Variants in ADCK1 observed in about 807,000 individuals in gnomAD.
The protein encoded by ADCK1 is aarF domain containing kinase 1.
In ADCK1, 41 loss-of-function variants were observed where a neutral mutation model predicts 52.3. The observed-to-expected ratio is 0.78, with a 90% confidence interval of 0.61 to 1.02. The LOEUF (loss-of-function observed/expected upper bound fraction) is 1.02, where lower values mean the gene tolerates loss of function less well. Ranked by LOEUF, ADCK1 falls within the 50% of genes least tolerant of loss-of-function variation. The pLI, the probability that ADCK1 is intolerant of heterozygous loss-of-function variation, is 0.00. For synonymous variants in ADCK1, 250 were observed against 274.6 expected, an observed-to-expected ratio of 0.91 and a Z score of 0.89; for missense variants, 658 against 679.5, an observed-to-expected ratio of 0.97 and a Z score of 0.35.
intron 7 of ADCK1, among the ~76,000 whole-genome samples, chr14:77,918,927 T>C (rs2083987031): frequency 6.6e-6 from 1 of 152,244 alleles, no homozygotes; most frequent in South Asian, 2.1e-4. Context: ...TTATGCCTCA[T>C]AGAACAGTAA....
At chr14:77,827,514 G>T (rs954448955) in intron 3 of ADCK1, among the ~76,000 whole-genome samples, 1 of 151,770 alleles carries the variant, frequency 6.6e-6, no homozygotes, top group Non-Finnish European at 1.5e-5. Context: ...AGCCGAATGA[G>T]TCCTTATATA....
chr14:77,907,302 G>A (rs77922411), intron 6 of ADCK1, among the ~76,000 whole-genome samples: 8,205 of 152,264 alleles, frequency 0.054, 311 homozygotes, highest in Middle Eastern at 0.085. Flanking sequence ...CCCAGGAAAC[G>A]TGTTTTCCTA....
rs188752034 is a variant in ADCK1 at position 77,844,728 on chromosome 14, T to G, written c.220-14348T>G. On this transcript the variant is annotated intron_variant, in intron 3 of 10. Coordinates refer to ENST00000238561, the MANE Select transcript of ADCK1 (RefSeq NM_020421.4). ...CTGAGGCATAGAGACAATAATCTACTTGGAGTTGGGGCTAGAATTAAAATT... is the reference window on the plus strand; with the variant it reads ...CTGAGGCATAGAGACAATAATCTACGTGGAGTTGGGGCTAGAATTAAAATT... Among the ~76,000 whole-genome samples, 1,123 of 152,334 alleles carry G rather than the reference T, an allele frequency of 7.4e-3. 5 individuals are homozygous for G. Among genetic ancestry groups the G allele is most frequent in the Non-Finnish European group, 0.012 (832 of 68,026 alleles).
intron 4 of ADCK1, among the ~76,000 whole-genome samples, chr14:77,877,086 G>A (rs920369840): frequency 3.9e-5 from 6 of 152,168 alleles, no homozygotes; most frequent in African/African-American, 9.7e-5. Context: ...GTGGTGATGC[G>A]CACCTGTAGT....
rs1237801671 is a variant in ADCK1, at chr14:77,934,424, C to T, written c.*1033C>T. The T allele has an allele frequency of 6.6e-6, 1 of 152,058 alleles. No homozygotes were observed. The highest frequency in any genetic ancestry group is 1.5e-5 in the Non-Finnish European group (1 of 68,058). 9.4% of individuals were successfully genotyped at this position (152,058 alleles called of 1,614,324 possible). On this transcript the variant is annotated 3_prime_UTR_variant, in exon 11 of 11. Coordinates refer to ENST00000238561, the MANE Select transcript of ADCK1 (RefSeq NM_020421.4). ...TTGTTCTACTGTTTCCTGACTTATCCCTTTGGTTCTCATTCAGTGGCCCCA... is the reference window on the plus strand; with the variant it reads ...TTGTTCTACTGTTTCCTGACTTATCTCTTTGGTTCTCATTCAGTGGCCCCA...
intron 4 of ADCK1, among the ~76,000 whole-genome samples, chr14:77,875,498 A>G (rs1176126891): frequency 6.6e-6 from 1 of 151,984 alleles, no homozygotes; most frequent in Non-Finnish European, 1.5e-5. Context: ...TTAAAAAAAA[A>G]AGAAAACTCC....
intron 1 of ADCK1, among the ~76,000 whole-genome samples, chr14:77,814,344 G>C (rs1163904257): frequency 6.6e-6 from 1 of 151,620 alleles, no homozygotes. Context: ...TTCCCAAAGT[G>C]CTGGGATTAC....
rs548404091 is a variant in ADCK1 at position 77,899,088 on chromosome 14, G to A, written c.583-12G>A. ...TGTGGGCCAAATGACTGGGGTGCTT[G>A]TTGGATTTCAGGTGCTCGTTCTGGC... On this transcript the variant is annotated splice_polypyrimidine_tract_variant and intron_variant, in intron 5 of 10. Coordinates refer to ENST00000238561, the MANE Select transcript of ADCK1 (RefSeq NM_020421.4). 13 of 1,613,188 alleles carry A rather than the reference G, an allele frequency of 8.1e-6. No homozygotes were observed. In the South Asian group the frequency reaches 1.3e-4, roughly 16 times the overall value.
chr14:77,832,588 G>T (rs932505783), intron 3 of ADCK1, among the ~76,000 whole-genome samples: 1 of 152,202 alleles, frequency 6.6e-6, no homozygotes, highest in Non-Finnish European at 1.5e-5. Context: ...GGAGGAGGAA[G>T]AAGGGCAATA....
intron 3 of ADCK1, among the ~76,000 whole-genome samples, chr14:77,825,592 A>G (rs2081678706): frequency 3.3e-5 from 5 of 151,780 alleles, no homozygotes; most frequent in Admixed American, 2.0e-4. Context: ...AGGATGTGAC[A>G]GGTCCTGAAT....
chr14:77,933,247 C>A lies in ADCK1; in HGVS notation c.1428C>A (p.Phe476Leu). 1 of 1,614,060 alleles carries A rather than the reference C, an allele frequency of 6.2e-7. No individual in the cohort carries two copies. Among genetic ancestry groups the A allele is most frequent in the Non-Finnish European group, 8.5e-7 (1 of 1,179,978 alleles). The change falls in exon 11 of 11, where the codon TTC becomes TTA. Residue 476 changes from phenylalanine to leucine, a missense_variant. Physicochemically the swap from Phe to Leu is conservative, Grantham distance 22. Transcript: ENST00000238561. Reference sequence around the variant, plus strand: ...ACAAGAAGAAGAATACCTGTTCATTCTTCAGAAGGACCCAGATCTCTTTCA... The same window carrying A: ...ACAAGAAGAAGAATACCTGTTCATTATTCAGAAGGACCCAGATCTCTTTCA... The part of the protein sequence containing the change: ...AEHKKKNTCS[F>L]FRRTQISFSE...
intron 6 of ADCK1, among the ~76,000 whole-genome samples, chr14:77,907,533 C>G (rs943893459): frequency 2.0e-5 from 3 of 152,214 alleles, no homozygotes; most frequent in Non-Finnish European, 2.9e-5. Context: ...TTAGTTTTGG[C>G]TCTTAACAGC....
intron 3 of ADCK1, among the ~76,000 whole-genome samples, chr14:77,850,643 T>C (rs2082263277): frequency 7.5e-6 from 1 of 133,286 alleles, no homozygotes; most frequent in African/African-American, 2.8e-5. Flanking sequence ...ATTGGCATGA[T>C]ATATCTTTTT....
At chr14:77,880,841 C>T (rs2083006931) in intron 4 of ADCK1, among the ~76,000 whole-genome samples, 1 of 152,164 alleles carries the variant, frequency 6.6e-6, no homozygotes, top group Non-Finnish European at 1.5e-5. Flanking sequence ...TTAAGTACAC[C>T]CTATGTAATT....
At chr14:77,846,692 G>T (rs1005497246) in intron 3 of ADCK1, among the ~76,000 whole-genome samples, 12 of 152,196 alleles carry the variant, frequency 7.9e-5, no homozygotes, top group African/African-American at 2.9e-4. Context: ...GTGGGAAGGA[G>T]GCCTTCCCAC....
rs781435782 is a variant in ADCK1, at chr14:77,924,491, T to A, written c.893T>A (p.Met298Lys). ...CACCTGGGCAAGATGTATAGTGAGA[T>A]GATCTTCGTCAATGGCTTCGTGCAC... The part of the protein sequence containing the change: ...SRHLGKMYSE[M>K]IFVNGFVHCD... The change falls in exon 8 of 11, where the codon ATG becomes AAG. Residue 298 changes from methionine (M) to lysine (K), a missense_variant. By Grantham distance (95) the Met-to-Lys change is moderately conservative (BLOSUM62 -1). Transcript: ENST00000238561. The A allele has an allele frequency of 2.5e-6, 4 of 1,614,188 alleles. No homozygotes were observed. The South Asian group carries it at 4.4e-5, about 18-fold the overall frequency.
chr14:77,859,967 G>C (rs2082508721), intron 4 of ADCK1, among the ~76,000 whole-genome samples: 1 of 152,124 alleles, frequency 6.6e-6, no homozygotes. Context: ...CTTGTGCCGT[G>C]GTCTACCATC....
At chr14:77,884,775 C>T (rs74065816) in intron 4 of ADCK1, among the ~76,000 whole-genome samples, 9,466 of 152,256 alleles carry the variant, frequency 0.062, 352 homozygotes, top group Middle Eastern at 0.12. Context: ...CTATATCAAA[C>T]GAAAGTAAAA....
rs369721960 is a variant in ADCK1 at position 77,905,622 on chromosome 14, C to T, written c.742-2181C>T. 5.9e-5 allele frequency among the ~76,000 whole-genome samples: 9 copies of T among 152,058 alleles called. No individual in the cohort carries two copies. In the East Asian group the frequency reaches 1.6e-3, roughly 26 times the overall value. ...ACAAACCCAAGGGAAGAATTTAACC[C>T]GAAAATATGTCCCATTCATTTGGAA... On this transcript the variant is annotated intron_variant, in intron 6 of 10. Transcript: ENST00000238561.
Sources: allele counts gnomAD v4.1 joint callset (sites outside exome capture counted in the v4.1 genomes callset), GRCh38; gene constraint gnomAD v4.1.1; transcripts MANE v1.5; gene names NCBI Gene and HGNC (gene_info 2026-07-23, HGNC 2026-07-21).